Variants in RNF139 observed in about 807,000 individuals in gnomAD.
The protein encoded by RNF139 is ring finger protein 139.
RNF139 carries 15 observed loss-of-function variants against 49.5 expected under a neutral mutation model. The observed-to-expected ratio is 0.30, with a 90% CI of 0.20 to 0.47. The LOEUF (loss-of-function observed/expected upper bound fraction) is 0.47. Among genes scored for constraint, RNF139 ranks in the 20% least tolerant of loss-of-function variants. The pLI is 1.00. For synonymous variants in RNF139, 325 were observed against 300.9 expected, an observed-to-expected ratio of 1.08 and a Z score of -0.83; for missense variants, 619 against 806.3, an observed-to-expected ratio of 0.77 and a Z score of 2.81.
chr8:124,486,963 C>CA lies in RNF139; in HGVS notation c.1315dup (p.Thr439AsnfsTer9). On this transcript the variant is annotated frameshift_variant, in exon 2 of 2. Transcript: ENST00000303545. LOFTEE classifies it high-confidence loss of function. The stretch of plus-strand genomic sequence containing the variant: ...TGTGCTTAAAAGTAATTGTTTCTCT[C>CA]ACTGTTTATACGTTATTCATGATTG... The CA allele has an allele frequency of 6.2e-7, 1 of 1,614,010 alleles. No individual in the cohort carries two copies. The highest frequency in any genetic ancestry group is 8.5e-7 in the Non-Finnish European group (1 of 1,179,960).
rs369341160 is a variant in RNF139 at position 124,488,610 on chromosome 8, A to G, written c.*966A>G. 53 of 1,554,558 alleles carry G rather than the reference A, an allele frequency of 3.4e-5. No individual in the cohort carries two copies. Among genetic ancestry groups the G allele is most frequent in the Middle Eastern group, 3.6e-4 (2 of 5,614 alleles). ...ATATACCAATTATATTCCAGGAAAAAATACTTTAATAGTATTGTTATATAG... is the reference window on the plus strand; with the variant it reads ...ATATACCAATTATATTCCAGGAAAAGATACTTTAATAGTATTGTTATATAG... On this transcript the variant is annotated 3_prime_UTR_variant, in exon 2 of 2. Coordinates refer to ENST00000303545, the MANE Select transcript of RNF139 (RefSeq NM_007218.4).
At chr8:124,477,349 G>T (rs1410616202) in intron 1 of RNF139, among the ~76,000 whole-genome samples, 1 of 152,176 alleles carries the variant, frequency 6.6e-6, no homozygotes, top group Non-Finnish European at 1.5e-5. Flanking sequence ...AAAAGACACA[G>T]GTTTGTGTGT....
intron 1 of RNF139, among the ~76,000 whole-genome samples, chr8:124,477,488 G>A (rs1332198911): frequency 1.3e-5 from 2 of 152,108 alleles, no homozygotes; most frequent in African/African-American, 4.8e-5. Context: ...TAAAATTAAT[G>A]TGTAAAAATG....
At position 124,474,918 on chromosome 8, in the gene RNF139, C is replaced by T. The variant is rs1376292002; in HGVS notation, c.-192C>T. 3 of 343,950 alleles carry T rather than the reference C, an allele frequency of 8.7e-6. No homozygotes were observed. Among genetic ancestry groups the T allele is most frequent in the African/African-American group, 2.2e-5 (1 of 46,244 alleles). 21.3% of individuals were successfully genotyped at this position (343,950 alleles called of 1,614,324 possible). A position where few individuals can be genotyped will look rare whatever the true frequency, so the allele number is the denominator to read the frequency against. ...GGAGCCGCCGCCGCCGCCCTCTCGG[C>T]CATCGCTGCCTCCGCCGCCTGCTCC... On this transcript the variant is annotated 5_prime_UTR_variant, in exon 1 of 2. Transcript: ENST00000303545. The surrounding 1 kb of genome is among the most constrained non-coding windows in gnomAD (Gnocchi z 4.6).
At chr8:124,483,096 A>T (rs147457083) in intron 1 of RNF139, among the ~76,000 whole-genome samples, 2 of 22,664 alleles carry the variant, frequency 8.8e-5, no homozygotes, top group East Asian at 1.2e-3. Context: ...TATATATTTA[A>T]AAATATATAT....
rs930383235 is a variant in RNF139, at chr8:124,483,788, C to T, written c.182-2043C>T. On this transcript the variant is annotated intron_variant, in intron 1 of 1. Transcript: ENST00000303545. ...TTCTGTACTCCAGGGTATGGTTTCT[C>T]ATTGTCTGAAACATAGATTTTATTT... is the stretch of plus-strand genomic sequence containing the variant. Among the ~76,000 whole-genome samples the T allele has an allele frequency of 9.2e-5, 14 of 152,226 alleles. No homozygotes were observed. In the South Asian group the frequency reaches 2.7e-3, roughly 29 times the overall value.
At chr8:124,475,692 T>G (rs1343329452) in intron 1 of RNF139, among the ~76,000 whole-genome samples, 5 of 152,184 alleles carry the variant, frequency 3.3e-5, no homozygotes, top group Admixed American at 3.3e-4. Context: ...CAGTTTCCCT[T>G]TATTACCAAA....
chr8:124,475,610 G>T (rs1379175403), intron 1 of RNF139, among the ~76,000 whole-genome samples: 1 of 152,234 alleles, frequency 6.6e-6, no homozygotes, highest in Non-Finnish European at 1.5e-5. Flanking sequence ...CTATGCGACA[G>T]CCTTCGAAAA....
chr8:124,479,374 C>T (rs1316127777), intron 1 of RNF139, among the ~76,000 whole-genome samples: 2 of 152,138 alleles, frequency 1.3e-5, no homozygotes, highest in Non-Finnish European at 2.9e-5. Context: ...CAAATCTGTT[C>T]ATTGTATTAG....
chr8:124,474,897 CCGCCGCCGCCGCCCTCTCGGCCAT>C lies in RNF139; in HGVS notation c.-209_-186del. 1 of 315,448 alleles carries C rather than the reference CCGCCGCCGCCGCCCTCTCGGCCAT, an allele frequency of 3.2e-6. No individual in the cohort carries two copies. Among genetic ancestry groups the C allele is most frequent in the Non-Finnish European group, 5.7e-6 (1 of 175,184 alleles). The allele number at this position is 315,448 out of a possible 1,614,324, so 19.5% of individuals were successfully genotyped here. On this transcript the variant is annotated 5_prime_UTR_variant, in exon 1 of 2. Transcript: ENST00000303545. The surrounding 1 kb of genome is among the most constrained non-coding windows in gnomAD (Gnocchi z 4.6). ...CGAAACCCAGAGACCTCCTGGGGAG[CCGCCGCCGCCGCCCTCTCGGCCAT>C]CGCTGCCTCCGCCGCCTGCTCCACC... is the stretch of plus-strand genomic sequence containing the variant.
Position 124,475,309 on chromosome 8 carries a change from G to A in RNF139, c.181+19G>A. On this transcript the variant is annotated intron_variant, in intron 1 of 1. Coordinates refer to ENST00000303545, the MANE Select transcript of RNF139 (RefSeq NM_007218.4). ...CTCTTTGGTAAGGGAACAGGGTACC[G>A]TACGTCCCGGGACGGCTATGCGGGC... is the stretch of plus-strand genomic sequence containing the variant. 6.3e-7 allele frequency: 1 copy of A among 1,597,456 alleles called. No homozygotes were observed. The highest frequency in any genetic ancestry group is 8.5e-7 in the Non-Finnish European group (1 of 1,171,256).
Position 124,486,824 on chromosome 8 carries a change from T to C in RNF139, c.1175T>C (p.Val392Ala). 1 of 1,613,938 alleles carries C rather than the reference T, an allele frequency of 6.2e-7. No individual in the cohort carries two copies. Among genetic ancestry groups the C allele is most frequent in the South Asian group, 1.1e-5 (1 of 91,080 alleles). The stretch of plus-strand genomic sequence containing the variant: ...TCATCTTTTCGTAGACATTTTCCTG[T>C]GCTGTTTGTCTCTGCTTGCCTGTTT... ...HVSSFRRHFP[V>A]LFVSACLFIL... Residue 392 changes from valine to alanine, a missense_variant, in exon 2 of 2, where the codon GTG becomes GCG. By Grantham distance (64) the Val-to-Ala change is moderately conservative. Around this residue, in one of 2 missense-constraint regions of RNF139, gnomAD observed 530 missense variants for 728.9 expected, o/e 0.73. Coordinates refer to ENST00000303545, the MANE Select transcript of RNF139 (RefSeq NM_007218.4).
At chr8:124,484,006 A>G (rs1816491903) in intron 1 of RNF139, among the ~76,000 whole-genome samples, 1 of 152,212 alleles carries the variant, frequency 6.6e-6, no homozygotes, top group African/African-American at 2.4e-5. Flanking sequence ...GCAGACTACA[A>G]TATCAGGTGA....
At chr8:124,485,336 C>T (rs1368515605) in intron 1 of RNF139, among the ~76,000 whole-genome samples, 2 of 152,164 alleles carry the variant, frequency 1.3e-5, no homozygotes, top group Non-Finnish European at 1.5e-5. Context: ...TGCACTCCAT[C>T]CTGGGCAACA....
intron 1 of RNF139, among the ~76,000 whole-genome samples, chr8:124,476,109 C>G (rs1208475729): frequency 6.6e-6 from 1 of 152,122 alleles, no homozygotes; most frequent in Non-Finnish European, 1.5e-5. Flanking sequence ...TGAGGTAATT[C>G]TGGTGATCGG....
At chr8:124,482,751 A>T (rs1198441188) in intron 1 of RNF139, among the ~76,000 whole-genome samples, 1 of 150,318 alleles carries the variant, frequency 6.7e-6, no homozygotes, top group Non-Finnish European at 1.5e-5. Flanking sequence ...ACGTGGAAAA[A>T]CCCTGTCTCT....
chr8:124,484,304 T>C (rs1586525493), intron 1 of RNF139, among the ~76,000 whole-genome samples: 1 of 152,238 alleles, frequency 6.6e-6, no homozygotes, highest in East Asian at 1.9e-4. Flanking sequence ...AGATTTTAGT[T>C]GATAGTAATT....
In RNF139 at chr8:124,487,427, A is replaced by G; in HGVS notation, c.1778A>G (p.Asp593Gly). The G allele has an allele frequency of 6.2e-7, 1 of 1,614,128 alleles. No homozygotes were observed. The highest frequency in any genetic ancestry group is 8.5e-7 in the Non-Finnish European group (1 of 1,179,986). The part of the protein sequence containing the change: ...PMCHQKVYIE[D>G]DIKDNSNVSN... Reference sequence around the variant, plus strand: ...TGCCATCAGAAAGTATACATCGAAGATGATATCAAGGATAATTCAAATGTA... The same window carrying G: ...TGCCATCAGAAAGTATACATCGAAGGTGATATCAAGGATAATTCAAATGTA... Residue 593 changes from aspartate to glycine, a missense_variant, in exon 2 of 2, where the codon GAT (aspartate) becomes GGT (glycine). Transcript: ENST00000303545.
intron 1 of RNF139, among the ~76,000 whole-genome samples, chr8:124,480,591 GCTAT>G (rs1348815532): frequency 1.3e-5 from 2 of 152,138 alleles, no homozygotes; most frequent in African/African-American, 4.8e-5. Flanking sequence ...TCAGTGTTCA[GCTAT>G]CTGAGAGCTC....
Sources: allele counts gnomAD v4.1 joint callset (sites outside exome capture counted in the v4.1 genomes callset), GRCh38; gene constraint gnomAD v4.1.1; regional missense constraint gnomAD v4.1.1; non-coding constraint Gnocchi (gnomAD v3.1); transcripts MANE v1.5; gene names NCBI Gene and HGNC (gene_info 2026-07-23, HGNC 2026-07-21).